The following KTN1 variants were observed in gnomAD, a reference collection of about 807,000 sequenced individuals.
KTN1 encodes kinectin 1, also known as kinectin.
Under a neutral mutation model 222.5 loss-of-function variants are expected in KTN1, and 130 were observed. That is an observed-to-expected ratio of 0.58 (90% confidence interval 0.51 to 0.68). The LOEUF is 0.68. Ranked by LOEUF, KTN1 falls within the 30% of genes least tolerant of loss-of-function variation. The pLI is 0.00. For missense variants in KTN1, 1,508 were observed against 1,500.4 expected, an observed-to-expected ratio of 1.01 and a Z score of -0.08; for synonymous variants, 512 against 496.3, an observed-to-expected ratio of 1.03 and a Z score of -0.42.
At chr14:55,604,004 A>G (rs2036365618) in intron 1 of KTN1, among the ~76,000 whole-genome samples, 1 of 152,142 alleles carries the variant, frequency 6.6e-6, no homozygotes. Flanking sequence ...AAATTATTTC[A>G]GTTGTCACCT....
At chr14:55,613,987 G>A (rs1456439473) in intron 2 of KTN1, among the ~76,000 whole-genome samples, 1 of 152,158 alleles carries the variant, frequency 6.6e-6, no homozygotes, top group Admixed American at 6.5e-5. Flanking sequence ...GCATTGAATC[G>A]CTTCATCAAG....
intron 25 of KTN1, among the ~76,000 whole-genome samples, chr14:55,652,265 TAAAC>T (rs936260518): frequency 2.6e-5 from 4 of 152,172 alleles, no homozygotes; most frequent in African/African-American, 9.7e-5. Flanking sequence ...TGTATTGACT[TAAAC>T]AAGGTGATAC....
Position 55,634,631 on chromosome 14 carries a change from T to C in KTN1, c.1434T>C (p.Asn478=). Residue 478 remains asparagine, a synonymous_variant, in exon 9 of 44, where the codon AAT becomes AAC. Coordinates refer to ENST00000395314, the MANE Select transcript of KTN1 (RefSeq NM_001079521.2). ...AGCAAGAGGAAGTCCAAAAGAAGAA[T>C]GCTGAGCAAGCAGCTACTCAGTTGA... ...KLQQEEVQKK[N]AEQAATQLKV... 6.2e-7 allele frequency: 1 copy of C among 1,613,632 alleles called. No individual in the cohort carries two copies. The highest frequency in any genetic ancestry group is 2.2e-5 in the East Asian group (1 of 44,816).
chr14:55,611,908 G>A (rs1376646938), intron 1 of KTN1, 111 bp from the exon 2 acceptor site: 1 of 450,170 alleles, frequency 2.2e-6, no homozygotes, highest in East Asian at 3.4e-5. Context: ...TAGATTTGTA[G>A]GTCAGGTTAG....
At position 55,612,286 on chromosome 14, in the gene KTN1, G is replaced by C. The variant is rs1326790470; in HGVS notation, c.238G>C (p.Val80Leu). The stretch of plus-strand genomic sequence containing the variant: ...CCTCCATGAATCCGACTCTGAGAGT[G>C]TACCTCGAGACTTTAAATTATCAGA... ...GNLHESDSES[V>L]PRDFKLSDAL... The change falls in exon 2 of 44, where the codon GTA becomes CTA. Residue 80 changes from valine (V) to leucine (L), a missense_variant. By Grantham distance (32) the Val-to-Leu change is conservative. Coordinates refer to ENST00000395314, the MANE Select transcript of KTN1 (RefSeq NM_001079521.2). The C allele has an allele frequency of 6.2e-7, 1 of 1,612,018 alleles. No homozygotes were observed. Among genetic ancestry groups the C allele is most frequent in the Admixed American group, 1.7e-5 (1 of 59,552 alleles).
chr14:55,594,244 T>G (rs1046777342), intron 1 of KTN1, among the ~76,000 whole-genome samples: 2 of 152,174 alleles, frequency 1.3e-5, no homozygotes, highest in East Asian at 1.9e-4. Context: ...CTGAGTAGTA[T>G]TCACAGTGTA....
rs141726419 is a variant in KTN1, at chr14:55,617,788, G to A, written c.662-176G>A. 4.9e-4 allele frequency among the ~76,000 whole-genome samples: 75 copies of A among 152,202 alleles called. No homozygotes were observed. In the East Asian group the frequency reaches 0.012, roughly 24 times the overall value. On this transcript the variant is annotated intron_variant, in intron 3 of 43. Coordinates refer to ENST00000395314, the MANE Select transcript of KTN1 (RefSeq NM_001079521.2). ...TAAAATAAGACTGTTGAGCTGGTAC[G>A]GCTTCATTAGAATGAGTGTTTTGAC...
At chr14:55,627,239 C>T (rs1407355272) in intron 5 of KTN1, among the ~76,000 whole-genome samples, 2 of 152,050 alleles carry the variant, frequency 1.3e-5, no homozygotes, top group African/African-American at 2.4e-5. Flanking sequence ...TGTAGTTCTT[C>T]GTAAAAATCT....
chr14:55,616,887 A>C (rs747132545), intron 3 of KTN1, among the ~76,000 whole-genome samples: 1 of 152,238 alleles, frequency 6.6e-6, no homozygotes, highest in Non-Finnish European at 1.5e-5. Flanking sequence ...ACAAAGGGCA[A>C]AGCATTTATA....
At chr14:55,660,493 A>T (rs2044009249) in intron 31 of KTN1, among the ~76,000 whole-genome samples, 1 of 151,380 alleles carries the variant, frequency 6.6e-6, no homozygotes, top group South Asian at 2.1e-4. Context: ...GTGTGTTTCA[A>T]CATGTTAAAA....
At chr14:55,615,807 TTTTCCTTCC>T (rs2038273819) in intron 2 of KTN1, among the ~76,000 whole-genome samples, 1 of 151,872 alleles carries the variant, frequency 6.6e-6, no homozygotes, top group Non-Finnish European at 1.5e-5. Context: ...CCCTTCCTTC[TTTTCCTTCC>T]TTTCCTTCCC....
At chr14:55,669,475 TAAAGC>T (rs552765647) in intron 34 of KTN1, among the ~76,000 whole-genome samples, 97 of 152,080 alleles carry the variant, frequency 6.4e-4, no homozygotes, top group African/African-American at 2.2e-3. Flanking sequence ...TATAAAATAA[TAAAGC>T]AATAAGCTTC....
intron 43 of KTN1, chr14:55,681,543 ACTTTTT>A (rs565958467): frequency 5.5e-4 from 83 of 152,268 alleles, no homozygotes; most frequent in African/African-American, 1.9e-3. Flanking sequence ...TGATAATAAC[ACTTTTT>A]CTTTTTGATT....
chr14:55,616,633 A>G lies in KTN1; in HGVS notation c.640A>G (p.Lys214Glu). ...ATCAGGGAAGAAGAAAGCTTCATCA[A>G]AGAAACAAAAGACAGAAAATGGTGA... ...SGSGKKKASSKKQKTENVFVD... is the reference protein window; with the variant it reads ...SGSGKKKASSEKQKTENVFVD... Residue 214 changes from lysine (K) to glutamate (E), a missense_variant, in exon 3 of 44, where the codon AAG becomes GAG. Physicochemically the swap from Lys to Glu is moderately conservative, Grantham distance 56. Transcript: ENST00000395314. The G allele has an allele frequency of 6.3e-7, 1 of 1,594,428 alleles. No homozygotes were observed. The highest frequency in any genetic ancestry group is 8.5e-7 in the Non-Finnish European group (1 of 1,175,288).
rs773454931 is a variant in KTN1 at position 55,637,809 on chromosome 14, G to A, written c.1747G>A (p.Ala583Thr). The A allele has an allele frequency of 6.2e-7, 1 of 1,611,260 alleles. No individual in the cohort carries two copies. ...DILEQNEALK[A>T]QIQQFHSQIA... ...TTTGGAGCAGAATGAGGCTTTGAAA[G>A]CTCAAATTCAGCAGTTCCATTCCCA... Residue 583 changes from alanine (A) to threonine (T), a missense_variant, in exon 12 of 44, where the codon GCT becomes ACT. Ala to Thr is a moderately conservative substitution (Grantham distance 58, BLOSUM62 0). Coordinates refer to ENST00000395314, the MANE Select transcript of KTN1 (RefSeq NM_001079521.2).
At chr14:55,604,207 C>T (rs146159932) in intron 1 of KTN1, among the ~76,000 whole-genome samples, 477 of 152,266 alleles carry the variant, frequency 3.1e-3, no homozygotes, top group Non-Finnish European at 3.9e-3. Flanking sequence ...TCATTCTACC[C>T]GAACCACGTT....
At chr14:55,619,106 T>A in intron 4 of KTN1, 76 bp from the exon 5 acceptor site, 1 of 1,208,202 alleles carries the variant, frequency 8.3e-7, no homozygotes, top group Non-Finnish European at 1.2e-6. Flanking sequence ...GAATTCTTCA[T>A]GCTTACCTTT....
chr14:55,620,335 G>A (rs147948800), intron 5 of KTN1, among the ~76,000 whole-genome samples: 1,916 of 152,248 alleles, frequency 0.013, 24 homozygotes, highest in Non-Finnish European at 0.017. Context: ...TACCATTCTG[G>A]GATCTGGAGG....
chr14:55,647,174 T>C (rs926431061), intron 19 of KTN1, among the ~76,000 whole-genome samples, 167 bp downstream of exon 19: 7 of 152,200 alleles, frequency 4.6e-5, no homozygotes, highest in Non-Finnish European at 8.8e-5. Context: ...GGCAGTAATT[T>C]TACTTGTTGA....
Sources: allele counts gnomAD v4.1 joint callset (sites outside exome capture counted in the v4.1 genomes callset), GRCh38; gene constraint gnomAD v4.1.1; transcripts MANE v1.5; gene names NCBI Gene and HGNC (gene_info 2026-07-23, HGNC 2026-07-21).